Variants in PCDHGA3 observed in about 807,000 individuals in gnomAD.
The protein encoded by PCDHGA3 is protocadherin gamma subfamily A, 3.
A neutral mutation model predicts 58.5 loss-of-function variants in PCDHGA3; 40 were observed. The ratio of observed to expected loss-of-function variants is 0.68; its 90% CI spans 0.53 to 0.89. The LOEUF is 0.89. Ranked by LOEUF, PCDHGA3 falls within the 40% of genes least tolerant of loss-of-function variation. PCDHGA3 has a pLI of 0.00. For synonymous variants in PCDHGA3, 530 were observed against 525.7 expected (o/e 1.01, Z -0.11); for missense variants, 1,223 against 1,195.9 (o/e 1.02, Z -0.33).
At position 141,393,619 on chromosome 5, in the gene PCDHGA3, C is replaced by T. The variant is rs768350628; in HGVS notation, c.2424+47162C>T. 50 of 1,613,708 alleles carry T rather than the reference C, an allele frequency of 3.1e-5. No homozygotes were observed. Among genetic ancestry groups the T allele is most frequent in the Admixed American group, 6.7e-5 (4 of 60,000 alleles). ...CTGCTTACTGTAACAGCCAGCGACC[C>T]GGATGAGGGAATCAACGGAAAAGTG... On this transcript the variant is annotated intron_variant, in intron 1 of 3. Transcript: ENST00000253812.
In PCDHGA3 at chr5:141,505,470, C is replaced by G; in HGVS notation, c.2561C>G (p.Ala854Gly). 6.2e-7 allele frequency: 1 copy of G among 1,614,186 alleles called. No individual in the cohort carries two copies. Among genetic ancestry groups the G allele is most frequent in the Non-Finnish European group, 8.5e-7 (1 of 1,180,002 alleles). Residue 854 changes from alanine to glycine, a missense_variant, in exon 3 of 4, where the codon GCG (alanine) becomes GGG (glycine). Ala to Gly is a moderately conservative substitution (Grantham distance 60). Transcript: ENST00000253812. ...GAGATGCTGCAAGCCATGATCTTGG[C>G]GTCCGCCAGTGGTAAGTGGTGTCAG... The part of the protein sequence containing the change: ...DTEMLQAMIL[A>G]SASEAADGSS...
rs377414044 is a variant in PCDHGA3, at chr5:141,362,475, C to G, written c.2424+16018C>G. On this transcript the variant is annotated intron_variant, in intron 1 of 3. Coordinates refer to ENST00000253812, the MANE Select transcript of PCDHGA3 (RefSeq NM_018916.4). ...CGGAATTGGTTCCCGCGCAAGATCT[C>G]GTCTGTGACAATGCCTCTTGGGAAC... is the stretch of plus-strand genomic sequence containing the variant. The G allele has an allele frequency of 9.2e-5, 149 of 1,613,908 alleles. 1 individual carries two copies. The highest frequency in any genetic ancestry group is 1.2e-4 in the Non-Finnish European group (143 of 1,179,906).
intron 1 of PCDHGA3, among the ~76,000 whole-genome samples, chr5:141,492,170 C>A (rs1383768075): frequency 6.6e-6 from 1 of 152,226 alleles, no homozygotes; most frequent in Non-Finnish European, 1.5e-5. Context: ...ATCCCCGCAT[C>A]ACCCAACCGC....
In PCDHGA3 at chr5:141,431,570, G is replaced by A. The variant is rs754760314; in HGVS notation, c.2425-63237G>A. 7 of 1,614,172 alleles carry A rather than the reference G, an allele frequency of 4.3e-6. No individual in the cohort carries two copies. Among genetic ancestry groups the A allele is most frequent in the Non-Finnish European group, 5.9e-6 (7 of 1,180,024 alleles). ...TGTAGTCAACGCTACCGACCCTGAC[G>A]AAGGAGTCAATGCGGAAGTGAGGTA... On this transcript the variant is annotated intron_variant, in intron 1 of 3. Transcript: ENST00000253812. The surrounding 1 kb of genome is among the most constrained non-coding windows in gnomAD (Gnocchi z 4.8).
rs773703641 is a variant in PCDHGA3, at chr5:141,477,856, G to A, written c.2425-16951G>A. On this transcript the variant is annotated intron_variant, in intron 1 of 3. Transcript: ENST00000253812. The surrounding 1 kb of genome is among the most constrained non-coding windows in gnomAD (Gnocchi z 4.9). ...CAGGTGGGAGCTCGGTGGAGATGCT[G>A]CCTCGAGGTACCTCAGCTGGCCACC... is the stretch of plus-strand genomic sequence containing the variant. 6.2e-7 allele frequency: 1 copy of A among 1,613,592 alleles called. No homozygotes were observed. Among genetic ancestry groups the A allele is most frequent in the Admixed American group, 1.7e-5 (1 of 59,976 alleles).
chr5:141,370,936 T>C (rs1410454711), intron 1 of PCDHGA3: 1 of 1,613,960 alleles, frequency 6.2e-7, no homozygotes, highest in South Asian at 1.1e-5. Flanking sequence ...TTCTCTTTGA[T>C]TCAGAAGGAG....
intron 1 of PCDHGA3, among the ~76,000 whole-genome samples, chr5:141,444,229 T>G (rs957213677): frequency 4.6e-5 from 6 of 130,226 alleles, no homozygotes; most frequent in Admixed American, 9.4e-5. Context: ...TGGAGTGCAA[T>G]GGCATGCTCT....
chr5:141,488,748 T>C (rs2099679003), intron 1 of PCDHGA3, among the ~76,000 whole-genome samples: 1 of 152,270 alleles, frequency 6.6e-6, no homozygotes, highest in African/African-American at 2.4e-5. Flanking sequence ...ATGCAGGAAG[T>C]TGCTGGGACA....
chr5:141,390,448 A>AGT, intron 1 of PCDHGA3: 1 of 845,308 alleles, frequency 1.2e-6, no homozygotes, highest in South Asian at 1.8e-5. Context: ...ACAAAGGAGG[A>AGT]GTAAAGTAGG....
intron 1 of PCDHGA3, chr5:141,393,489 G>C: frequency 6.2e-7 from 1 of 1,614,062 alleles, no homozygotes; most frequent in Non-Finnish European, 8.5e-7. Flanking sequence ...CTCTAGCACA[G>C]TGCGCATCCA....
At chr5:141,451,703 A>C (rs975120935) in intron 1 of PCDHGA3, among the ~76,000 whole-genome samples, 2 of 152,144 alleles carry the variant, frequency 1.3e-5, no homozygotes, top group Non-Finnish European at 2.9e-5. Context: ...GTAACATGAC[A>C]AAACCCTGCC....
intron 1 of PCDHGA3, chr5:141,423,468 A>G (rs1474468597): frequency 6.2e-7 from 1 of 1,613,960 alleles, no homozygotes; most frequent in Admixed American, 1.7e-5. Flanking sequence ...TGGACGGGGT[A>G]CAGGCTTTCC....
intron 1 of PCDHGA3, chr5:141,351,279 C>T (rs999735053): frequency 3.1e-6 from 5 of 1,613,472 alleles, no homozygotes; most frequent in African/African-American, 1.3e-5. Context: ...AATGACAATG[C>T]CCCAGAGGTG....
chr5:141,433,208 CTTTT>C (rs745329085), intron 1 of PCDHGA3: 3 of 1,293,778 alleles, frequency 2.3e-6, no homozygotes, highest in African/African-American at 1.5e-5. Flanking sequence ...AATCTTCTTT[CTTTT>C]TTTTTTTTAA....
chr5:141,381,826 C>CTTTTTTTTTTTTTTTTTTTTTTT (rs770630741), intron 1 of PCDHGA3, among the ~76,000 whole-genome samples: 5 of 74,282 alleles, frequency 6.7e-5, no homozygotes, highest in Non-Finnish European at 1.2e-4. Context: ...CTTTCTTCTT[C>CTTTTTTTTTTTTTTTTTTTTTTT]TTTTTTTTTT....
At chr5:141,423,203 T>A (rs2096720538) in intron 1 of PCDHGA3, 1 of 1,613,508 alleles carries the variant, frequency 6.2e-7, no homozygotes, top group African/African-American at 1.3e-5. Context: ...TCGGCCACCG[T>A]CACGCTCACC....
intron 1 of PCDHGA3, chr5:141,427,535 C>T (rs746067304): frequency 8.0e-6 from 5 of 626,498 alleles, no homozygotes; most frequent in South Asian, 7.6e-5. Flanking sequence ...CGGAGTACAA[C>T]GTCACCATCA....
intron 1 of PCDHGA3, chr5:141,355,456 A>G: frequency 6.2e-7 from 1 of 1,614,078 alleles, no homozygotes; most frequent in Non-Finnish European, 8.5e-7. Context: ...CACCTTGGTC[A>G]CCGCGGGTAG....
chr5:141,398,067 C>T, intron 1 of PCDHGA3: 1 of 1,577,626 alleles, frequency 6.3e-7, no homozygotes, highest in Non-Finnish European at 8.6e-7. Flanking sequence ...ATCTACAATA[C>T]AGAGGTTATT....
Sources: gnomAD v4.1 joint callset for allele counts (sites outside exome capture counted in the v4.1 genomes callset) on GRCh38, gnomAD v4.1.1 for gene constraint, Gnocchi (gnomAD v3.1) non-coding constraint, MANE v1.5 for transcripts, NCBI Gene and HGNC (gene_info 2026-07-23, HGNC 2026-07-21) for gene names.